The following TAOK3 variants were observed in gnomAD, a reference collection of about 807,000 sequenced individuals.
TAOK3 encodes TAO kinase 3, also known as serine/threonine-protein kinase TAO3.
In TAOK3, 40 loss-of-function variants were observed where a neutral mutation model predicts 120.4. That is an observed-to-expected ratio of 0.33 (90% CI 0.26 to 0.43). The LOEUF is 0.43. Among genes scored for constraint, TAOK3 ranks in the 20% least tolerant of loss-of-function variants. The pLI is 1.00. For missense variants in TAOK3, 821 were observed against 1,112.1 expected, an observed-to-expected ratio of 0.74 and a Z score of 3.72; for synonymous variants, 355 against 387.5, an observed-to-expected ratio of 0.92 and a Z score of 0.99.
chr12:118,309,900 G>C (rs1309416627), intron 1 of TAOK3, among the ~76,000 whole-genome samples: 1 of 152,116 alleles, frequency 6.6e-6, no homozygotes, highest in Non-Finnish European at 1.5e-5. Context: ...AAAAACCTGA[G>C]TTTTCCTGTT....
chr12:118,280,007 C>T (rs973676152), intron 1 of TAOK3, among the ~76,000 whole-genome samples: 2 of 151,278 alleles, frequency 1.3e-5, no homozygotes, highest in African/African-American at 2.4e-5. Flanking sequence ...CTTCGTGATC[C>T]GCCCGCCTTA....
chr12:118,247,002 GA>G (rs1056963316), intron 3 of TAOK3: 394 of 904,352 alleles, frequency 4.4e-4, no homozygotes, highest in African/African-American at 1.2e-3. Flanking sequence ...AATTAAGCGT[GA>G]AAAAAAAATT....
chr12:118,191,457 T>G lies in TAOK3; in HGVS notation c.1195-1516A>C, dbSNP rs189638821. Among the ~76,000 whole-genome samples the G allele has an allele frequency of 2.7e-3, 414 of 152,292 alleles. 1 individual carries two copies. The highest frequency in any genetic ancestry group is 9.4e-3 in the African/African-American group (392 of 41,578). On this transcript the variant is annotated intron_variant, in intron 13 of 20. Coordinates refer to ENST00000392533, the MANE Select transcript of TAOK3 (RefSeq NM_016281.4). ...ACATATGACTATTTTAATTAAAAATTAAATTCAATTAAAATTAATTAAAAC... is the reference window on the plus strand; with the variant it reads ...ACATATGACTATTTTAATTAAAAATGAAATTCAATTAAAATTAATTAAAAC...
intron 1 of TAOK3, among the ~76,000 whole-genome samples, chr12:118,321,722 C>T (rs1444974085): frequency 1.3e-5 from 2 of 152,070 alleles, no homozygotes; most frequent in Non-Finnish European, 2.9e-5. Flanking sequence ...ATATTTTTAC[C>T]AAGTACATAA....
chr12:118,230,453 G>T (rs1298525527), intron 9 of TAOK3, among the ~76,000 whole-genome samples: 1 of 132,154 alleles, frequency 7.6e-6, no homozygotes, highest in African/African-American at 2.8e-5. Context: ...GGATTACCCT[G>T]TGAAGTGTTT....
chr12:118,208,668 C>T (rs959980044), intron 11 of TAOK3, among the ~76,000 whole-genome samples: 1 of 152,048 alleles, frequency 6.6e-6, no homozygotes, highest in East Asian at 1.9e-4. Context: ...TTAAAATCCA[C>T]ATTGATGAGC....
chr12:118,249,652 G>A (rs2040664639), intron 3 of TAOK3, among the ~76,000 whole-genome samples: 1 of 150,854 alleles, frequency 6.6e-6, no homozygotes, highest in Admixed American at 6.6e-5. Flanking sequence ...GCAAAACCCT[G>A]TATCTACAAA....
At chr12:118,309,400 C>T (rs2043181597) in intron 1 of TAOK3, among the ~76,000 whole-genome samples, 1 of 151,142 alleles carries the variant, frequency 6.6e-6, no homozygotes, top group South Asian at 2.1e-4. Flanking sequence ...ATCCTAAGTT[C>T]TCAGATGTAC....
At chr12:118,187,510 G>A (rs1185848884) in intron 14 of TAOK3, among the ~76,000 whole-genome samples, 1 of 152,008 alleles carries the variant, frequency 6.6e-6, no homozygotes, top group Non-Finnish European at 1.5e-5. Context: ...GTAGTACTTG[G>A]TAATATACAT....
At position 118,161,929 on chromosome 12, in the gene TAOK3, C is replaced by T. The variant is rs759911761; in HGVS notation, c.1998G>A (p.Thr666=). The change falls in exon 18 of 21, where the codon ACG becomes ACA. Residue 666 remains threonine (T), a synonymous_variant. Coordinates refer to ENST00000392533, the MANE Select transcript of TAOK3 (RefSeq NM_016281.4). The surrounding 1 kb of genome is among the most constrained non-coding windows in gnomAD (Gnocchi z 4.5). ...TCAGATCCATGCGTAGCTTCTGTAACGTGTGCAGCTGCCTGTACTCTAGCT... is the reference window on the plus strand; with the variant it reads ...TCAGATCCATGCGTAGCTTCTGTAATGTGTGCAGCTGCCTGTACTCTAGCT... The part of the protein sequence containing the change: ...TRELEYRQLH[T]LQKLRMDLIR... 1.6e-5 allele frequency: 26 copies of T among 1,614,012 alleles called. 1 individual carries two copies. The highest frequency in any genetic ancestry group is 4.5e-5 in the East Asian group (2 of 44,874).
chr12:118,368,161 T>A (rs573019895), intron 1 of TAOK3, among the ~76,000 whole-genome samples: 1 of 152,228 alleles, frequency 6.6e-6, no homozygotes, highest in Non-Finnish European at 1.5e-5. Flanking sequence ...TAAGCCTTCA[T>A]ACGGAACTGT....
chr12:118,189,707 C>T, intron 14 of TAOK3, 100 bp downstream of exon 14: 2 of 1,415,958 alleles, frequency 1.4e-6, no homozygotes, highest in Non-Finnish European at 9.8e-7. Flanking sequence ...GACTCCTTTC[C>T]TCCCATCCAT....
chr12:118,320,065 C>G (rs569800285), intron 1 of TAOK3, among the ~76,000 whole-genome samples: 3 of 152,126 alleles, frequency 2.0e-5, no homozygotes, highest in Non-Finnish European at 4.4e-5. Flanking sequence ...ATGGATGAAC[C>G]ATTGTGCTAA....
chr12:118,257,589 C>A (rs1345266155), intron 2 of TAOK3, among the ~76,000 whole-genome samples: 1 of 151,828 alleles, frequency 6.6e-6, no homozygotes, highest in African/African-American at 2.4e-5. Context: ...AACTAGATAA[C>A]CAAGATAGAA....
chr12:118,352,161 C>T (rs1428696575), intron 1 of TAOK3, among the ~76,000 whole-genome samples: 1 of 151,920 alleles, frequency 6.6e-6, no homozygotes, highest in Non-Finnish European at 1.5e-5. Context: ...CGTGAGCCAC[C>T]GCGCCCGGCC....
chr12:118,167,669 C>A (rs1593005891), intron 17 of TAOK3, among the ~76,000 whole-genome samples: 1 of 139,838 alleles, frequency 7.2e-6, no homozygotes, highest in Non-Finnish European at 1.6e-5. Flanking sequence ...TTTATAGGCT[C>A]TTTTTTTTTT....
At chr12:118,352,802 T>C (rs1448104970) in intron 1 of TAOK3, among the ~76,000 whole-genome samples, 2 of 152,086 alleles carry the variant, frequency 1.3e-5, no homozygotes, top group African/African-American at 4.8e-5. Flanking sequence ...CTTCCACCAC[T>C]GGGATTCAAG....
intron 9 of TAOK3, among the ~76,000 whole-genome samples, chr12:118,221,677 C>T: frequency 6.9e-6 from 1 of 145,608 alleles, no homozygotes; most frequent in East Asian, 2.0e-4. Flanking sequence ...CTCTGTCATC[C>T]AGGCTGGAGT....
At chr12:118,244,187 C>A (rs569164735) in intron 4 of TAOK3, among the ~76,000 whole-genome samples, 1 of 152,242 alleles carries the variant, frequency 6.6e-6, no homozygotes, top group Non-Finnish European at 1.5e-5. Flanking sequence ...TTGAGCCTCC[C>A]GAGTGGCTGG....
Sources: gnomAD v4.1 joint callset for allele counts (sites outside exome capture counted in the v4.1 genomes callset) on GRCh38, gnomAD v4.1.1 for gene constraint, Gnocchi (gnomAD v3.1) non-coding constraint, MANE v1.5 for transcripts, NCBI Gene and HGNC (gene_info 2026-07-23, HGNC 2026-07-21) for gene names.